Variants in EDEM2 observed in about 807,000 individuals in gnomAD.
The protein encoded by EDEM2 is ER degradation enhancing alpha-mannosidase like protein 2, also known as ER degradation-enhancing alpha-mannosidase-like protein 2.
EDEM2 carries 39 observed loss-of-function variants against 64.8 expected under a neutral mutation model. The observed-to-expected ratio is 0.60, with a 90% CI of 0.47 to 0.79. The LOEUF is 0.79. Among genes scored for constraint, EDEM2 ranks in the 30% least tolerant of loss-of-function variants. EDEM2 has a pLI of 0.00. For synonymous variants in EDEM2, 296 were observed against 291.5 expected (o/e 1.02, Z -0.16); for missense variants, 609 against 731.3 (o/e 0.83, Z 1.93).
At chr20:35,141,151 C>T (rs933649814) in intron 4 of EDEM2, among the ~76,000 whole-genome samples, 5 of 138,406 alleles carry the variant, frequency 3.6e-5, no homozygotes, top group African/African-American at 5.6e-5. Context: ...AAAAAGAAGA[C>T]GGCACAGAGA....
rs1430380558 is a variant in EDEM2 at position 35,147,078 on chromosome 20, G to A, written c.107+74C>T. 6 of 1,553,814 alleles carry A rather than the reference G, an allele frequency of 3.9e-6. No individual in the cohort carries two copies. The African/African-American group carries it at 5.4e-5, about 14-fold the overall frequency. On this transcript the variant is annotated intron_variant, in intron 1 of 10. Coordinates refer to ENST00000374492, the MANE Select transcript of EDEM2 (RefSeq NM_018217.3). ...CTGTGTCGGAGCAAGTCGGGGTCTG[G>A]GATGGACGGAAAGGGAAAGGACCGG...
In EDEM2 at chr20:35,126,368, G is replaced by A. The variant is rs956880118; in HGVS notation, c.852C>T (p.Asn284=). The stretch of plus-strand genomic sequence containing the variant: ...AGCGGGTGTAGTTCCGGATGGCTTT[G>A]TTATACTCTGCAGTGGGGGAGATGG... ...KKLMAMFLEY[N]KAIRNYTRFD... The change falls in exon 8 of 11, where the codon AAC becomes AAT. Residue 284 remains asparagine, a synonymous_variant. Coordinates refer to ENST00000374492, the MANE Select transcript of EDEM2 (RefSeq NM_018217.3). 6 of 1,613,934 alleles carry A rather than the reference G, an allele frequency of 3.7e-6. No individual in the cohort carries two copies. The highest frequency in any genetic ancestry group is 4.2e-6 in the Non-Finnish European group (5 of 1,179,992).
At chr20:35,120,922 G>A (rs915741109) in intron 9 of EDEM2, among the ~76,000 whole-genome samples, 20 of 152,124 alleles carry the variant, frequency 1.3e-4, no homozygotes, top group African/African-American at 4.3e-4. Flanking sequence ...CAGCTGGTGG[G>A]CCAGTGCCCT....
intron 4 of EDEM2, among the ~76,000 whole-genome samples, chr20:35,138,417 G>T (rs2085606869): frequency 6.6e-6 from 1 of 152,046 alleles, no homozygotes; most frequent in African/African-American, 2.4e-5. Flanking sequence ...CCATCTAGTA[G>T]GTGGTAGGGC....
chr20:35,141,525 T>C (rs1470737326), intron 4 of EDEM2, among the ~76,000 whole-genome samples: 2 of 152,228 alleles, frequency 1.3e-5, no homozygotes, highest in Admixed American at 1.3e-4. Context: ...CTCTGCTCTC[T>C]TCTCTTTTTT....
chr20:35,144,875 G>T, intron 3 of EDEM2, 104 bp downstream of exon 3: 1 of 1,325,482 alleles, frequency 7.5e-7, no homozygotes, highest in Non-Finnish European at 1.1e-6. Context: ...CAAATAAAAG[G>T]CCTAGGAGAG....
chr20:35,125,626 C>G (rs890860973), intron 8 of EDEM2, among the ~76,000 whole-genome samples: 3 of 152,092 alleles, frequency 2.0e-5, no homozygotes, highest in Non-Finnish European at 4.4e-5. Context: ...CCTTGTGATC[C>G]GCCTGCCTCG....
intron 4 of EDEM2, among the ~76,000 whole-genome samples, chr20:35,140,946 C>A (rs573962969): frequency 9.2e-5 from 14 of 151,522 alleles, no homozygotes; most frequent in Admixed American, 6.6e-4. Flanking sequence ...ATGGTGAAAC[C>A]CCATCTCTAC....
At chr20:35,120,186 C>T (rs1989395) in intron 9 of EDEM2, among the ~76,000 whole-genome samples, 78,709 of 152,060 alleles carry the variant, frequency 0.52, 22,789 homozygotes, top group Admixed American at 0.68. Context: ...CCTCAACCTC[C>T]CAAGTAGCTG....
chr20:35,116,882 C>G (rs781572303), intron 10 of EDEM2, among the ~76,000 whole-genome samples: 4 of 152,016 alleles, frequency 2.6e-5, no homozygotes, highest in Non-Finnish European at 5.9e-5. Context: ...CTCTGCCTCC[C>G]GGGTTCAAGC....
intron 10 of EDEM2, 57 bp from the exon 11 acceptor site, chr20:35,115,990 T>C (rs1370528080): frequency 1.1e-5 from 17 of 1,571,532 alleles, no homozygotes; most frequent in Non-Finnish European, 1.5e-5. Flanking sequence ...GTAGTAAGGG[T>C]CAGGCAATCC....
chr20:35,145,045 C>T (rs982656218), intron 2 of EDEM2, 27 bp from the exon 3 acceptor site: 2 of 1,613,352 alleles, frequency 1.2e-6, no homozygotes, highest in Non-Finnish European at 8.5e-7. Flanking sequence ...ATCCCAGCCG[C>T]TTAGTAAGAA....
At position 35,115,619 on chromosome 20, in the gene EDEM2, T is replaced by C. The variant is rs1189435744; in HGVS notation, c.1551A>G (p.Lys517=). Residue 517 remains lysine, a synonymous_variant, in exon 11 of 11, where the codon AAA becomes AAG. Coordinates refer to ENST00000374492, the MANE Select transcript of EDEM2 (RefSeq NM_018217.3). ...SLKRSRSKFQ[K]NTVSSGPWEP... is the part of the protein sequence containing the mutation. ...CCCATGGCCCCGAACTAACAGTGTT[T>C]TTCTGAAATTTCGACCTGCTCCGTT... The C allele has an allele frequency of 6.2e-7, 1 of 1,614,118 alleles. No individual in the cohort carries two copies. Among genetic ancestry groups the C allele is most frequent in the African/African-American group, 1.3e-5 (1 of 74,990 alleles).
chr20:35,128,497 C>T (rs980136868), intron 7 of EDEM2, among the ~76,000 whole-genome samples: 46 of 143,806 alleles, frequency 3.2e-4, no homozygotes, highest in African/African-American at 1.1e-3. Context: ...ACCTGGGAGG[C>T]GGAGGTTGCA....
At chr20:35,121,705 A>G (rs1200250292) in intron 9 of EDEM2, among the ~76,000 whole-genome samples, 1 of 152,196 alleles carries the variant, frequency 6.6e-6, no homozygotes, top group East Asian at 1.9e-4. Flanking sequence ...CAATTTAGTG[A>G]AAGAGTAGTC....
Position 35,134,899 on chromosome 20 carries a change from C to T in EDEM2, c.541G>A (p.Gly181Ser). Residue 181 changes from glycine (G) to serine (S), a missense_variant, in exon 6 of 11, where the codon GGC becomes AGC. Gly to Ser is a moderately conservative substitution (Grantham distance 56). Transcript: ENST00000374492. ...MPYGTVNLLHGVNPGETPVTC... is the reference protein window; with the variant it reads ...MPYGTVNLLHSVNPGETPVTC... ...ACAGGGGTCTCTCCTGGGTTCACGC[C>T]ATGAAGTAAGTTCACTGTTCCATAT... 1 of 1,614,140 alleles carries T rather than the reference C, an allele frequency of 6.2e-7. No individual in the cohort carries two copies. The highest frequency in any genetic ancestry group is 8.5e-7 in the Non-Finnish European group (1 of 1,180,044).
chr20:35,142,421 C>T lies in EDEM2; in HGVS notation c.316G>A (p.Asp106Asn), dbSNP rs369753267. ...GAGGCGTTCACATCAATATCAAAGT[C>T]CACGCTGTCCTGGAGCACTTCAACC... ...RVVEVLQDSV[D>N]FDIDVNASVF... The change falls in exon 4 of 11, where the codon GAC (aspartate) becomes AAC (asparagine). Residue 106 changes from aspartate to asparagine, a missense_variant. Coordinates refer to ENST00000374492, the MANE Select transcript of EDEM2 (RefSeq NM_018217.3). 509 of 1,614,028 alleles carry T rather than the reference C, an allele frequency of 3.2e-4. No homozygotes were observed. The highest frequency in any genetic ancestry group is 4.2e-4 in the Non-Finnish European group (495 of 1,180,032).
At chr20:35,125,326 G>A (rs562197456) in intron 8 of EDEM2, among the ~76,000 whole-genome samples, 27 of 151,672 alleles carry the variant, frequency 1.8e-4, no homozygotes, top group Non-Finnish European at 3.4e-4. Context: ...CTCCTGAGTA[G>A]CTGGGACTAC....
At chr20:35,141,190 A>G (rs1354248708) in intron 4 of EDEM2, among the ~76,000 whole-genome samples, 1 of 151,980 alleles carries the variant, frequency 6.6e-6, no homozygotes, top group Non-Finnish European at 1.5e-5. Flanking sequence ...GAGTGCAAAT[A>G]TATCAGTAAT....
Sources: allele counts gnomAD v4.1 joint callset (sites outside exome capture counted in the v4.1 genomes callset), GRCh38; gene constraint gnomAD v4.1.1; transcripts MANE v1.5; gene names NCBI Gene and HGNC (gene_info 2026-07-23, HGNC 2026-07-21).